The following DYSF variants were observed in gnomAD, a reference collection of about 807,000 sequenced individuals.
The protein encoded by DYSF is dysferlin.
DYSF carries 212 observed loss-of-function variants against 274.9 expected under a neutral mutation model. That is an observed-to-expected ratio of 0.77 (90% confidence interval 0.69 to 0.86). The LOEUF (loss-of-function observed/expected upper bound fraction) is 0.86, where lower values mean the gene tolerates loss of function less well. Among genes scored for constraint, DYSF ranks in the 40% least tolerant of loss-of-function variants. The pLI is 0.00. For missense variants in DYSF, 2,666 were observed against 2,783.2 expected (o/e 0.96, Z 0.95); for synonymous variants, 1,091 against 1,078.7 (o/e 1.01, Z -0.22).
chr2:71,551,942 T>C (rs2090980479), intron 19 of DYSF, among the ~76,000 whole-genome samples: 1 of 152,160 alleles, frequency 6.6e-6, no homozygotes, highest in African/African-American at 2.4e-5. Flanking sequence ...AGAAGATAAA[T>C]GAAAATATTC....
At chr2:71,671,573 T>C (rs1443974874) in intron 51 of DYSF, among the ~76,000 whole-genome samples, 1 of 152,206 alleles carries the variant, frequency 6.6e-6, no homozygotes, top group African/African-American at 2.4e-5. Context: ...GTGGCTGTTT[T>C]GTCTCTGAAG....
At position 71,478,400 on chromosome 2, in the gene DYSF, A is replaced by AT. The variant is rs376234134; in HGVS notation, c.92-2482dup. On this transcript the variant is annotated intron_variant, in intron 1 of 55. Coordinates refer to ENST00000410020, the MANE Select transcript of DYSF (RefSeq NM_001130987.2). ...CTAATTTTTTGTATTTTTAGTAGAG[A>AT]TGGGGTTTCACCGTGTTAGCCAGGA... Among the ~76,000 whole-genome samples the AT allele has an allele frequency of 6.2e-3, 937 of 151,860 alleles. 13 individuals are homozygous for AT. Among genetic ancestry groups the AT allele is most frequent in the African/African-American group, 0.022 (895 of 41,392 alleles).
chr2:71,562,797 G>T, intron 23 of DYSF, among the ~76,000 whole-genome samples: 1 of 152,134 alleles, frequency 6.6e-6, no homozygotes, highest in Non-Finnish European at 1.5e-5. Flanking sequence ...GGCACAGGCT[G>T]GTTCCCTGGT....
chr2:71,543,929 A>ACCGTG (rs2090233728), intron 17 of DYSF, among the ~76,000 whole-genome samples: 1 of 136,334 alleles, frequency 7.3e-6, no homozygotes, highest in African/African-American at 2.6e-5. Context: ...GGAGAAGGAG[A>ACCGTG]GGGAGAGGGA....
At chr2:71,568,387 C>T in intron 26 of DYSF, 49 bp downstream of exon 26, 1 of 1,605,828 alleles carries the variant, frequency 6.2e-7, no homozygotes, top group Non-Finnish European at 8.5e-7. Context: ...AGGCTGCCCA[C>T]CATGGACTGC....
chr2:71,648,362 G>A (rs539632971), intron 42 of DYSF, among the ~76,000 whole-genome samples: 18 of 152,150 alleles, frequency 1.2e-4, no homozygotes, highest in African/African-American at 3.9e-4. Context: ...AGGGCAGAAG[G>A]GCCACATGGA....
intron 24 of DYSF, 65 bp from the exon 25 acceptor site, chr2:71,567,886 G>C (rs2092197737): frequency 6.3e-7 from 1 of 1,597,964 alleles, no homozygotes; most frequent in Non-Finnish European, 8.5e-7. Flanking sequence ...CTCCTCCCCA[G>C]CCTCTCACTG....
At chr2:71,515,244 A>G (rs1414701291) in intron 7 of DYSF, among the ~76,000 whole-genome samples, 1 of 152,112 alleles carries the variant, frequency 6.6e-6, no homozygotes, top group Non-Finnish European at 1.5e-5. Flanking sequence ...TGTAAGTTCG[A>G]CCTCTGAGGG....
Position 71,520,212 on chromosome 2 carries a change from A to G in DYSF, c.1033+4A>G. ...GGCACCATTTACAGAGAGCCCCGTG[A>G]GTTCTCACCACTTTGGCCGTATCCT... On this transcript the variant is annotated splice_donor_region_variant and intron_variant, in intron 11 of 55. Transcript: ENST00000410020. The G allele has an allele frequency of 6.2e-7, 1 of 1,614,170 alleles. No individual in the cohort carries two copies. The highest frequency in any genetic ancestry group is 8.5e-7 in the Non-Finnish European group (1 of 1,180,024).
chr2:71,509,478 A>G (rs1254804670), intron 4 of DYSF, among the ~76,000 whole-genome samples: 1 of 152,160 alleles, frequency 6.6e-6, no homozygotes, highest in East Asian at 1.9e-4. Context: ...AGGAGTTTTA[A>G]TATCACTGCT....
At chr2:71,602,742 C>G in intron 35 of DYSF, 34 bp from the exon 36 acceptor site, 1 of 1,610,740 alleles carries the variant, frequency 6.2e-7, no homozygotes, top group Non-Finnish European at 8.5e-7. Flanking sequence ...CTCACCATCT[C>G]CTGGATGTGC....
At chr2:71,586,144 G>A (rs1047730575) in intron 30 of DYSF, among the ~76,000 whole-genome samples, 3 of 152,134 alleles carry the variant, frequency 2.0e-5, no homozygotes, top group Non-Finnish European at 4.4e-5. Context: ...GGGGATGTAT[G>A]GAGAGCCCAG....
intron 22 of DYSF, among the ~76,000 whole-genome samples, chr2:71,561,508 C>T (rs559079901): frequency 2.0e-5 from 3 of 152,186 alleles, no homozygotes; most frequent in Admixed American, 1.3e-4. Flanking sequence ...GTCCTGGAAT[C>T]GAGGGCTGGG....
chr2:71,497,026 C>G (rs2084472646), intron 3 of DYSF, among the ~76,000 whole-genome samples: 1 of 152,182 alleles, frequency 6.6e-6, no homozygotes, highest in Non-Finnish European at 1.5e-5. Context: ...CTTCCCAAGT[C>G]CCAGTTTCCT....
At chr2:71,627,554 G>A (rs960709076) in intron 41 of DYSF, among the ~76,000 whole-genome samples, 7 of 151,940 alleles carry the variant, frequency 4.6e-5, no homozygotes, top group African/African-American at 1.7e-4. Context: ...AATGTGTATT[G>A]TCCAGATGTC....
In DYSF at chr2:71,520,202, G is replaced by C. The variant is rs1401731698; in HGVS notation, c.1027G>C (p.Glu343Gln). ...FRMDVGTIYR[E>Q]PRHAYLRKWL... ...GATGGACGTGGGCACCATTTACAGA[G>C]AGCCCCGTGAGTTCTCACCACTTTG... Residue 343 changes from glutamate (E) to glutamine (Q), a missense_variant, in exon 11 of 56, where the codon GAG (glutamate) becomes CAG (glutamine). By Grantham distance (29) the Glu-to-Gln change is conservative (BLOSUM62 2). Transcript: ENST00000410020. 1.9e-6 allele frequency: 3 copies of C among 1,614,080 alleles called. No homozygotes were observed. The highest frequency in any genetic ancestry group is 1.7e-5 in the Admixed American group (1 of 60,002).
In DYSF at chr2:71,574,250, G is replaced by A; in HGVS notation, c.3281G>A (p.Gly1094Asp). Residue 1094 changes from glycine (G) to aspartate (D), a missense_variant, in exon 30 of 56, where the codon GGC (glycine) becomes GAC (aspartate). Physicochemically the swap from Gly to Asp is moderately conservative, Grantham distance 94 (BLOSUM62 -1). This residue lies in a region of DYSF where 1,460 missense variants were observed against 1,502.1 expected (regional missense o/e 0.97). Coordinates refer to ENST00000410020, the MANE Select transcript of DYSF (RefSeq NM_001130987.2). ...GEGWEYASLF[G>D]WKFHLEYRKT... is the part of the protein sequence containing the mutation. ...GGCTGGGAGTACGCCTCTCTTTTTG[G>A]CTGGAAGTTCCACCTCGAGTACCGC... is the stretch of plus-strand genomic sequence containing the variant. 6.2e-7 allele frequency: 1 copy of A among 1,614,006 alleles called. No individual in the cohort carries two copies. The highest frequency in any genetic ancestry group is 1.1e-5 in the South Asian group (1 of 91,078).
rs114901317 is a variant in DYSF, at chr2:71,603,439, C to T, written c.3957+634C>T. Among the ~76,000 whole-genome samples the T allele has an allele frequency of 9.3e-3, 1,414 of 152,194 alleles. 5 individuals carry two copies. Among genetic ancestry groups the T allele is most frequent in the Non-Finnish European group, 0.013 (874 of 67,988 alleles). On this transcript the variant is annotated intron_variant, in intron 36 of 55. Coordinates refer to ENST00000410020, the MANE Select transcript of DYSF (RefSeq NM_001130987.2). ...CAGGCCAGAGGGTGGGTGGCAGAGA[C>T]CTGGGTGGAGAGACAGGAAGGAGAG...
At chr2:71,467,250 G>A (rs2081600080) in intron 1 of DYSF, among the ~76,000 whole-genome samples, 1 of 152,228 alleles carries the variant, frequency 6.6e-6, no homozygotes, top group Non-Finnish European at 1.5e-5. Context: ...ATAAGGGTAA[G>A]TTGGAAGATG....
Sources: allele counts gnomAD v4.1 joint callset (sites outside exome capture counted in the v4.1 genomes callset), GRCh38; gene constraint gnomAD v4.1.1; regional missense constraint gnomAD v4.1.1; transcripts MANE v1.5; gene names NCBI Gene and HGNC (gene_info 2026-07-23, HGNC 2026-07-21).